NR3C2: variants seen among roughly 807,000 people sequenced by gnomAD.
NR3C2 encodes mineralocorticoid receptor.
Under a neutral mutation model 86.4 loss-of-function variants are expected in NR3C2, and 15 were observed. That is an observed-to-expected ratio of 0.17 (90% CI 0.12 to 0.27). The LOEUF is 0.27. Among genes scored for constraint, NR3C2 ranks in the 10% least tolerant of loss-of-function variants. The pLI is 1.00. For missense variants in NR3C2, 960 were observed against 1,195.6 expected, an observed-to-expected ratio of 0.80 and a Z score of 2.91; for synonymous variants, 458 against 450.5, an observed-to-expected ratio of 1.02 and a Z score of -0.21.
chr4:148,311,546 T>C (rs62332049), intron 2 of NR3C2, among the ~76,000 whole-genome samples: 21,199 of 152,196 alleles, frequency 0.14, 1,595 homozygotes, highest in South Asian at 0.27. Context: ...GCTCCAGCAA[T>C]CACCAAGTGA....
chr4:148,136,074 A>C lies in NR3C2; in HGVS notation c.2511-15786T>G, dbSNP rs1402959583. On this transcript the variant is annotated intron_variant, in intron 6 of 8. Transcript: ENST00000358102. The stretch of plus-strand genomic sequence containing the variant: ...TCCGTCTCAAAAAAAAAAAAAAAAA[A>C]AACAAAAAAAAAAAACACCACCAAA... 2.0e-3 allele frequency among the ~76,000 whole-genome samples: 83 copies of C among 42,342 alleles called. 3 individuals are homozygous for C. The highest frequency in any genetic ancestry group is 4.5e-3 in the African/African-American group (75 of 16,670). 27.8% of individuals were successfully genotyped at this position (42,342 alleles called of 152,430 possible).
At chr4:148,343,078 T>TAA (rs1370826403) in intron 2 of NR3C2, among the ~76,000 whole-genome samples, 1 of 152,202 alleles carries the variant, frequency 6.6e-6, no homozygotes, top group Non-Finnish European at 1.5e-5. Context: ...TCCACAATAA[T>TAA]TATTAAATCA....
chr4:148,334,662 G>A (rs1744394355), intron 2 of NR3C2, among the ~76,000 whole-genome samples: 1 of 152,124 alleles, frequency 6.6e-6, no homozygotes, highest in African/African-American at 2.4e-5. Context: ...CAATGTAAAA[G>A]GTTAAAAAAA....
chr4:148,274,020 C>T (rs1579092949), intron 2 of NR3C2, among the ~76,000 whole-genome samples: 1 of 151,598 alleles, frequency 6.6e-6, no homozygotes, highest in African/African-American at 2.4e-5. Context: ...GGAACCCAGC[C>T]CTGGCCACGT....
chr4:148,357,053 G>A (rs763424349), intron 2 of NR3C2, among the ~76,000 whole-genome samples: 2 of 151,966 alleles, frequency 1.3e-5, no homozygotes, highest in African/African-American at 2.4e-5. Context: ...CATATAGGTT[G>A]AACATTCTGA....
intron 2 of NR3C2, among the ~76,000 whole-genome samples, chr4:148,398,521 C>T (rs1054454744): frequency 3.3e-5 from 5 of 152,124 alleles, no homozygotes; most frequent in Non-Finnish European, 7.4e-5. Context: ...TTGTATACCA[C>T]CTTAACTCAC....
In NR3C2 at chr4:148,080,635, TGTACA is replaced by T; in HGVS notation, c.*704_*708del. ...CCTTCATAATTTATACATACAGTAA[TGTACA>T]GCACAGCAAAAGACTGCAAAAAATT... On this transcript the variant is annotated 3_prime_UTR_variant, in exon 9 of 9. Transcript: ENST00000358102. The T allele has an allele frequency of 5.3e-6, 1 of 186,952 alleles. No individual in the cohort carries two copies. The highest frequency in any genetic ancestry group is 5.3e-5 in the Admixed American group (1 of 18,998). The allele number at this position is 186,952 out of a possible 1,614,324, so 11.6% of individuals were successfully genotyped here. A position where few individuals can be genotyped will look rare whatever the true frequency, so the allele number is the denominator to read the frequency against.
At chr4:148,390,019 T>G (rs1047774160) in intron 2 of NR3C2, among the ~76,000 whole-genome samples, 1 of 151,744 alleles carries the variant, frequency 6.6e-6, no homozygotes, top group East Asian at 1.9e-4. Context: ...GATAGGAATA[T>G]GATAAAAGGA....
chr4:148,151,205 T>C (rs1734086269), intron 6 of NR3C2, among the ~76,000 whole-genome samples: 1 of 152,122 alleles, frequency 6.6e-6, no homozygotes, highest in African/African-American at 2.4e-5. Flanking sequence ...AAATGGGTTG[T>C]TTTAATGTTC....
intron 2 of NR3C2, among the ~76,000 whole-genome samples, chr4:148,373,520 G>T (rs1246477119): frequency 4.9e-5 from 7 of 143,424 alleles, no homozygotes; most frequent in Non-Finnish European, 7.4e-5. Flanking sequence ...TGTCACCCAG[G>T]CTGGAGTACA....
At chr4:148,084,424 T>C (rs531506587) in intron 8 of NR3C2, among the ~76,000 whole-genome samples, 102 of 152,300 alleles carry the variant, frequency 6.7e-4, no homozygotes, top group Admixed American at 1.3e-3. Context: ...CTAAGCTTCA[T>C]AAGTGAAGGA....
At chr4:148,406,188 A>C (rs1748415886) in intron 2 of NR3C2, among the ~76,000 whole-genome samples, 1 of 152,094 alleles carries the variant, frequency 6.6e-6, no homozygotes, top group Admixed American at 6.6e-5. Flanking sequence ...AACAAACAAA[A>C]AAAGTGAACA....
chr4:148,350,250 C>A (rs1745206885), intron 2 of NR3C2, among the ~76,000 whole-genome samples: 1 of 152,122 alleles, frequency 6.6e-6, no homozygotes, highest in Non-Finnish European at 1.5e-5. Context: ...CAAGTTAGTG[C>A]CCTTGCAGGC....
chr4:148,088,045 G>A (rs189913613), intron 8 of NR3C2, among the ~76,000 whole-genome samples: 310 of 152,288 alleles, frequency 2.0e-3, no homozygotes, highest in African/African-American at 7.0e-3. Context: ...CAAAAAGTGG[G>A]CAAAGGATAT....
At chr4:148,240,199 TAAA>T (rs1177862440) in intron 3 of NR3C2, among the ~76,000 whole-genome samples, 2 of 149,194 alleles carry the variant, frequency 1.3e-5, no homozygotes, top group African/African-American at 4.9e-5. Context: ...GTAATCAGTA[TAAA>T]AATTATCAGA....
At chr4:148,331,911 CAGTAAG>C (rs1744251368) in intron 2 of NR3C2, among the ~76,000 whole-genome samples, 1 of 151,672 alleles carries the variant, frequency 6.6e-6, no homozygotes, top group Admixed American at 6.6e-5. Flanking sequence ...TGAAGAGGTG[CAGTAAG>C]AGTATCTGCT....
At chr4:148,375,147 A>C (rs1746609331) in intron 2 of NR3C2, among the ~76,000 whole-genome samples, 1 of 152,148 alleles carries the variant, frequency 6.6e-6, no homozygotes, top group Non-Finnish European at 1.5e-5. Flanking sequence ...TTCCCTGTAC[A>C]AAATTCATCA....
chr4:148,386,009 A>T (rs1393140443), intron 2 of NR3C2, among the ~76,000 whole-genome samples: 1 of 152,150 alleles, frequency 6.6e-6, no homozygotes, highest in Admixed American at 6.5e-5. Context: ...TCTCTGCTGG[A>T]GGCACAGACA....
intron 2 of NR3C2, among the ~76,000 whole-genome samples, chr4:148,323,538 G>A (rs1271115464): frequency 8.6e-6 from 1 of 116,148 alleles, no homozygotes; most frequent in Non-Finnish European, 2.0e-5. Context: ...GAGACTCCGT[G>A]AGTGTAGGAC....
Sources: allele counts gnomAD v4.1 joint callset (sites outside exome capture counted in the v4.1 genomes callset), GRCh38; gene constraint gnomAD v4.1.1; transcripts MANE v1.5; gene names NCBI Gene and HGNC (gene_info 2026-07-23, HGNC 2026-07-21).